The following NIBAN2 variants were observed in gnomAD, a reference collection of about 807,000 sequenced individuals.
The protein encoded by NIBAN2 is protein Niban 2.
In NIBAN2, 36 loss-of-function variants were observed where a neutral mutation model predicts 81.8. That is an observed-to-expected ratio of 0.44 (90% confidence interval 0.34 to 0.58). The LOEUF (loss-of-function observed/expected upper bound fraction) is 0.58. Among genes scored for constraint, NIBAN2 ranks in the 20% least tolerant of loss-of-function variants. NIBAN2 has a pLI of 0.02. For missense variants in NIBAN2, 897 were observed against 1,014.1 expected (o/e 0.88, Z 1.57); for synonymous variants, 445 against 441.6 (o/e 1.01, Z -0.10).
At chr9:127,548,869 G>A (rs538014583) in intron 1 of NIBAN2, among the ~76,000 whole-genome samples, 2 of 152,144 alleles carry the variant, frequency 1.3e-5, no homozygotes, top group Non-Finnish European at 2.9e-5. Flanking sequence ...GCCAAGCAGA[G>A]CCCATTCTCA....
At chr9:127,535,254 A>C (rs953328989) in intron 1 of NIBAN2, among the ~76,000 whole-genome samples, 1 of 151,938 alleles carries the variant, frequency 6.6e-6, no homozygotes, top group Non-Finnish European at 1.5e-5. Context: ...TGCTGTGAGG[A>C]CTCGAACACA....
In NIBAN2 at chr9:127,506,533, A is replaced by G; in HGVS notation, c.*312T>C. ...GATGGCAGCACCCATGAGGGGATGG[A>G]GGCCACAGAAGGACAGGAAGGGAGG... On this transcript the variant is annotated 3_prime_UTR_variant, in exon 14 of 14. Coordinates refer to ENST00000373312, the MANE Select transcript of NIBAN2 (RefSeq NM_022833.4). 3.6e-6 allele frequency: 1 copy of G among 277,450 alleles called. No individual in the cohort carries two copies. The highest frequency in any genetic ancestry group is 2.2e-5 in the African/African-American group (1 of 45,806). 17.2% of individuals were successfully genotyped at this position (277,450 alleles called of 1,614,324 possible). A position where few individuals can be genotyped will look rare whatever the true frequency, so the allele number is the denominator to read the frequency against.
upstream of NIBAN2, among the ~76,000 whole-genome samples, chr9:127,569,502 A>C (rs1422455552): frequency 6.6e-6 from 1 of 150,938 alleles, no homozygotes; most frequent in African/African-American, 2.4e-5. Context: ...TCCCCTCCCC[A>C]ACCTTGCCCG....
At chr9:127,528,529 C>G (rs1341515540) in intron 2 of NIBAN2, among the ~76,000 whole-genome samples, 1 of 152,174 alleles carries the variant, frequency 6.6e-6, no homozygotes, top group Non-Finnish European at 1.5e-5. Context: ...TCTCTCCACC[C>G]CCTTCACCAT....
intron 1 of NIBAN2, among the ~76,000 whole-genome samples, chr9:127,575,110 C>T (rs1376872015): frequency 6.6e-6 from 1 of 152,224 alleles, no homozygotes; most frequent in Non-Finnish European, 1.5e-5. Flanking sequence ...AGACATGGCA[C>T]TGGGGGCCCC....
Position 127,508,629 on chromosome 9 carries a change from C to T in NIBAN2, c.1318-91G>A. 1 of 1,101,470 alleles carries T rather than the reference C, an allele frequency of 9.1e-7. No homozygotes were observed. Among genetic ancestry groups the T allele is most frequent in the Non-Finnish European group, 1.4e-6 (1 of 727,004 alleles). 68.2% of individuals were successfully genotyped at this position (1,101,470 alleles called of 1,614,324 possible). On this transcript the variant is annotated intron_variant, in intron 10 of 13. Coordinates refer to ENST00000373312, the MANE Select transcript of NIBAN2 (RefSeq NM_022833.4). This position sits in a 1 kb window ranked among gnomAD's most constrained non-coding sequence, Gnocchi z 6.4. The stretch of plus-strand genomic sequence containing the variant: ...GAGGGGTCCTCATCCTCAACCAGCC[C>T]CCCACCCCGAGGCCTGCCAGGGAGG...
At position 127,523,165 on chromosome 9, in the gene NIBAN2, GT is replaced by G. The variant is rs139524533; in HGVS notation, c.589+513del. On this transcript the variant is annotated intron_variant, in intron 5 of 13. Coordinates refer to ENST00000373312, the MANE Select transcript of NIBAN2 (RefSeq NM_022833.4). ...TTCCAAATCACCCTGCAGGTTGGTG[GT>G]TTTAAAAAAAAAAAAAAAAAAAAAA... 9.9e-3 allele frequency among the ~76,000 whole-genome samples: 416 copies of G among 41,982 alleles called. 49 individuals carry two copies. Among genetic ancestry groups the G allele is most frequent in the Admixed American group, 0.038 (101 of 2,666 alleles). The allele number at this position is 41,982 out of a possible 152,430, so 27.5% of individuals were successfully genotyped here.
At chr9:127,535,362 C>G (rs1837256180) in intron 1 of NIBAN2, among the ~76,000 whole-genome samples, 2 of 152,208 alleles carry the variant, frequency 1.3e-5, no homozygotes, top group Non-Finnish European at 2.9e-5. Context: ...GGCCCCTGGG[C>G]TGGGCTGGGG....
chr9:127,568,899 C>T lies in NIBAN2; in HGVS notation c.-25G>A. The T allele has an allele frequency of 1.6e-6, 2 of 1,265,910 alleles. No individual in the cohort carries two copies. The highest frequency in any genetic ancestry group is 2.0e-6 in the Non-Finnish European group (2 of 1,006,034). 78.4% of individuals were successfully genotyped at this position (1,265,910 alleles called of 1,614,324 possible). A position where few individuals can be genotyped will look rare whatever the true frequency, so the allele number is the denominator to read the frequency against. ...TGGCCAGGAGGTGTCGCGGCCCGATCCGGCCGACGCCGCCGCTGTTGCCCG... is the reference window on the plus strand; with the variant it reads ...TGGCCAGGAGGTGTCGCGGCCCGATTCGGCCGACGCCGCCGCTGTTGCCCG... On this transcript the variant is annotated 5_prime_UTR_variant, in exon 1 of 14. Transcript: ENST00000373312.
chr9:127,532,728 T>A (rs1386543838), intron 1 of NIBAN2, among the ~76,000 whole-genome samples: 1 of 146,592 alleles, frequency 6.8e-6, no homozygotes, highest in Non-Finnish European at 1.5e-5. Flanking sequence ...TCAGCTCATT[T>A]AAAAAAAAAA....
chr9:127,565,579 G>A (rs1474456281), intron 1 of NIBAN2, among the ~76,000 whole-genome samples: 2 of 151,778 alleles, frequency 1.3e-5, no homozygotes, highest in Admixed American at 6.6e-5. Context: ...GATCACCTGA[G>A]GTCAGGAGTT....
At chr9:127,568,409 G>A (rs998985670) in intron 1 of NIBAN2, among the ~76,000 whole-genome samples, 1 of 152,204 alleles carries the variant, frequency 6.6e-6, no homozygotes. Context: ...GGAGGAAGGT[G>A]AGCGCGAGCT....
At chr9:127,546,033 C>T (rs1837465434) in intron 1 of NIBAN2, among the ~76,000 whole-genome samples, 1 of 152,300 alleles carries the variant, frequency 6.6e-6, no homozygotes, top group Non-Finnish European at 1.5e-5. Flanking sequence ...CGTCACCACC[C>T]AGAGCAGGAC....
At position 127,505,367 on chromosome 9, in the gene NIBAN2, G is replaced by C. The variant is rs945740184; in HGVS notation, c.*1478C>G. The C allele has an allele frequency of 6.6e-6, 1 of 152,656 alleles. No individual in the cohort carries two copies. The highest frequency in any genetic ancestry group is 2.4e-5 in the African/African-American group (1 of 41,456). The allele number at this position is 152,656 out of a possible 1,614,324, so 9.5% of individuals were successfully genotyped here. ...CTTTAAATAAAGCGTTTATTGATTA[G>C]TAGAAGCATGAACAGTGTGCATAAT... On this transcript the variant is annotated 3_prime_UTR_variant, in exon 14 of 14. Transcript: ENST00000373312.
At chr9:127,578,823 C>G in intron 1 of NIBAN2, 1 of 1,195,490 alleles carries the variant, frequency 8.4e-7, no homozygotes. Flanking sequence ...TTCCGCTGCA[C>G]TCCAGCCTGA....
intron 1 of NIBAN2, among the ~76,000 whole-genome samples, chr9:127,574,416 G>A (rs754130066): frequency 3.9e-5 from 6 of 152,126 alleles, no homozygotes; most frequent in Admixed American, 6.5e-5. Flanking sequence ...ATCCAAGGGC[G>A]AAGAATAATA....
At chr9:127,555,248 G>T (rs1462366907) in intron 1 of NIBAN2, among the ~76,000 whole-genome samples, 1 of 152,148 alleles carries the variant, frequency 6.6e-6, no homozygotes, top group Admixed American at 6.5e-5. Flanking sequence ...TTCTCCCAGG[G>T]CTTTGGGCCA....
intron 1 of NIBAN2, among the ~76,000 whole-genome samples, chr9:127,547,616 T>C (rs1252952649): frequency 6.6e-6 from 1 of 152,002 alleles, no homozygotes; most frequent in African/African-American, 2.4e-5. Flanking sequence ...GGTGGGCAGA[T>C]CATCTGAGGT....
intron 1 of NIBAN2, among the ~76,000 whole-genome samples, chr9:127,560,665 A>C (rs1588188056): frequency 1.3e-5 from 2 of 152,120 alleles, no homozygotes; most frequent in East Asian, 3.9e-4. Context: ...GGCAGACACC[A>C]TGTGATTGTG....
Sources: allele counts gnomAD v4.1 joint callset (sites outside exome capture counted in the v4.1 genomes callset), GRCh38; gene constraint gnomAD v4.1.1; non-coding constraint Gnocchi (gnomAD v3.1); transcripts MANE v1.5; gene names NCBI Gene and HGNC (gene_info 2026-07-23, HGNC 2026-07-21).